ZNF804A: variants seen among roughly 807,000 people sequenced by gnomAD.
ZNF804A encodes the protein zinc finger protein 804A.
ZNF804A carries 2 observed loss-of-function variants against 16.5 expected under a neutral mutation model. The ratio of observed to expected loss-of-function variants is 0.12; its 90% CI spans 0.05 to 0.38. The LOEUF is 0.38. ZNF804A is among the 10% of genes least tolerant of loss of function. The pLI, the probability that ZNF804A is intolerant of heterozygous loss-of-function variation, is 0.99. For missense variants in ZNF804A, 1,473 were observed against 1,390.7 expected, an observed-to-expected ratio of 1.06 and a Z score of -0.94; for synonymous variants, 534 against 489.6, an observed-to-expected ratio of 1.09 and a Z score of -1.20.
At chr2:184,881,296 G>A (rs1684807061) in intron 2 of ZNF804A, among the ~76,000 whole-genome samples, 1 of 151,558 alleles carries the variant, frequency 6.6e-6, no homozygotes, top group Admixed American at 6.6e-5. Context: ...GTCACTCACT[G>A]GCGTCCCTGA....
At chr2:184,890,266 T>G (rs573550752) in intron 2 of ZNF804A, among the ~76,000 whole-genome samples, 2 of 152,216 alleles carry the variant, frequency 1.3e-5, no homozygotes, top group Non-Finnish European at 2.9e-5. Context: ...AAAGCTTATA[T>G]GACTTCGTTG....
intron 1 of ZNF804A, among the ~76,000 whole-genome samples, chr2:184,807,076 G>A (rs1227228065): frequency 6.6e-6 from 1 of 151,244 alleles, no homozygotes; most frequent in African/African-American, 2.4e-5. Flanking sequence ...ACTTGGCATA[G>A]TCTTTACCTT....
chr2:184,669,160 T>C (rs1410134045), intron 1 of ZNF804A, among the ~76,000 whole-genome samples: 6 of 152,060 alleles, frequency 3.9e-5, no homozygotes, highest in Non-Finnish European at 7.4e-5. Context: ...GTTTATATAG[T>C]AAAAAACATG....
intron 1 of ZNF804A, among the ~76,000 whole-genome samples, chr2:184,824,854 C>T (rs1695134801): frequency 6.7e-6 from 1 of 149,500 alleles, no homozygotes; most frequent in South Asian, 2.1e-4. Flanking sequence ...GCTGGAACAC[C>T]TGTAAGAGGC....
At chr2:184,932,301 C>A (rs981446722) in intron 2 of ZNF804A, among the ~76,000 whole-genome samples, 2 of 152,128 alleles carry the variant, frequency 1.3e-5, no homozygotes, top group Non-Finnish European at 2.9e-5. Flanking sequence ...AAAGACACAT[C>A]TGAGATTGGG....
intron 1 of ZNF804A, among the ~76,000 whole-genome samples, chr2:184,810,549 G>A (rs2105786411): frequency 7.3e-6 from 1 of 136,466 alleles, no homozygotes; most frequent in East Asian, 2.2e-4. Flanking sequence ...GGAGTGCAGT[G>A]GAGCGATCTC....
chr2:184,601,705 T>A (rs62176169), intron 1 of ZNF804A, among the ~76,000 whole-genome samples: 4,563 of 152,004 alleles, frequency 0.03, 93 homozygotes, highest in Middle Eastern at 0.11. Flanking sequence ...GTATTTTGAA[T>A]CGTGTACCAA....
chr2:184,837,973 C>T (rs1231989603), intron 1 of ZNF804A, among the ~76,000 whole-genome samples: 4 of 152,050 alleles, frequency 2.6e-5, no homozygotes, highest in Non-Finnish European at 5.9e-5. Flanking sequence ...GGCAGTTTAC[C>T]TTGCTCAGTG....
At chr2:184,721,956 A>G (rs1202073110) in intron 1 of ZNF804A, among the ~76,000 whole-genome samples, 2 of 152,064 alleles carry the variant, frequency 1.3e-5, no homozygotes, top group Admixed American at 1.3e-4. Flanking sequence ...GCTGGAGGGC[A>G]TTATGTTAGG....
chr2:184,927,527 C>G (rs1162198793), intron 2 of ZNF804A, among the ~76,000 whole-genome samples: 1 of 152,210 alleles, frequency 6.6e-6, no homozygotes, highest in Non-Finnish European at 1.5e-5. Flanking sequence ...AGCCTTGGGG[C>G]TTTACTAATG....
intron 1 of ZNF804A, among the ~76,000 whole-genome samples, chr2:184,618,970 C>A (rs952639699): frequency 4.6e-5 from 7 of 151,916 alleles, no homozygotes; most frequent in African/African-American, 1.5e-4. Flanking sequence ...ATAAAAAGAT[C>A]GGGGGCCTTT....
At chr2:184,849,476 T>C (rs1039715765) in intron 1 of ZNF804A, among the ~76,000 whole-genome samples, 4 of 151,974 alleles carry the variant, frequency 2.6e-5, no homozygotes, top group African/African-American at 9.7e-5. Context: ...TAGTATTATA[T>C]GAAAAAATGC....
rs887102626 is a variant in ZNF804A, at chr2:184,881,563, T to C, written c.255+15051T>C. On this transcript the variant is annotated intron_variant, in intron 2 of 3. Transcript: ENST00000302277. ...TATAATGGAAGCCCCATTAGGCTAA[T>C]AGCAAAATTGTCAGCAGAAACCTTA... Among the ~76,000 whole-genome samples the C allele has an allele frequency of 2.0e-5, 3 of 152,194 alleles. No individual in the cohort carries two copies. The East Asian group carries it at 5.8e-4, about 29-fold the overall frequency.
At chr2:184,748,503 G>C (rs994718234) in intron 1 of ZNF804A, among the ~76,000 whole-genome samples, 7 of 151,056 alleles carry the variant, frequency 4.6e-5, no homozygotes, top group Admixed American at 1.3e-4. Flanking sequence ...ATTTGTTTAA[G>C]TTCCTTTTAG....
chr2:184,699,642 G>A (rs891732504), intron 1 of ZNF804A, among the ~76,000 whole-genome samples: 1 of 152,058 alleles, frequency 6.6e-6, no homozygotes, highest in Non-Finnish European at 1.5e-5. Context: ...GTGTTGCCAT[G>A]ATTGTCATAT....
intron 1 of ZNF804A, among the ~76,000 whole-genome samples, chr2:184,750,756 AT>A (rs1361835870): frequency 2.0e-5 from 3 of 151,442 alleles, no homozygotes; most frequent in Non-Finnish European, 4.4e-5. Context: ...GCACTATGCT[AT>A]ATAGTAAACC....
chr2:184,931,576 G>T (rs1160449077), intron 2 of ZNF804A, among the ~76,000 whole-genome samples: 4 of 152,168 alleles, frequency 2.6e-5, no homozygotes, highest in Admixed American at 6.5e-5. Context: ...CAAGGCTCTG[G>T]GTCTGGCCCA....
At chr2:184,740,255 T>C (rs13026742) in intron 1 of ZNF804A, among the ~76,000 whole-genome samples, 71,418 of 152,104 alleles carry the variant, frequency 0.47, 20,124 homozygotes, top group East Asian at 0.82. Flanking sequence ...GTTAGAAATA[T>C]CAAATGTGAC....
intron 1 of ZNF804A, among the ~76,000 whole-genome samples, chr2:184,702,279 G>A (rs984417035): frequency 9.9e-5 from 15 of 151,904 alleles, no homozygotes; most frequent in African/African-American, 3.1e-4. Context: ...CAACTGGAAT[G>A]CAACTGTTTA....
Sources: gnomAD v4.1 joint callset for allele counts (sites outside exome capture counted in the v4.1 genomes callset) on GRCh38, gnomAD v4.1.1 for gene constraint, MANE v1.5 for transcripts, NCBI Gene and HGNC (gene_info 2026-07-23, HGNC 2026-07-21) for gene names.